SGCZ: variants seen among roughly 807,000 people sequenced by gnomAD.
SGCZ encodes zeta-sarcoglycan.
A neutral mutation model predicts 41.3 loss-of-function variants in SGCZ; 40 were observed. The observed-to-expected ratio is 0.97, with a 90% CI of 0.75 to 1.26. The LOEUF (loss-of-function observed/expected upper bound fraction) is 1.26. Among genes scored for constraint, SGCZ ranks in the 50% most tolerant of loss-of-function variants. The pLI, the probability that SGCZ is intolerant of heterozygous loss-of-function variation, is 0.00. For synonymous variants in SGCZ, 206 were observed against 137.5 expected, an observed-to-expected ratio of 1.50 and a Z score of -3.49; for missense variants, 552 against 369.8, an observed-to-expected ratio of 1.49 and a Z score of -4.04.
At chr8:14,770,238 C>T (rs1011661663) in intron 1 of SGCZ, among the ~76,000 whole-genome samples, 4 of 151,312 alleles carry the variant, frequency 2.6e-5, no homozygotes, top group Admixed American at 6.6e-5. Flanking sequence ...CTAGATTTGA[C>T]GAGTTCTAGC....
chr8:14,153,024 G>A (rs1803757713), intron 5 of SGCZ, among the ~76,000 whole-genome samples: 1 of 152,276 alleles, frequency 6.6e-6, no homozygotes, highest in Admixed American at 6.5e-5. Flanking sequence ...GTTAACGTGA[G>A]GGTGGAGGAA....
At chr8:14,278,518 G>A (rs1473411725) in intron 3 of SGCZ, among the ~76,000 whole-genome samples, 1 of 152,018 alleles carries the variant, frequency 6.6e-6, no homozygotes, top group East Asian at 1.9e-4. Context: ...GGATTATCCT[G>A]CCCAACTACT....
chr8:14,982,653 G>C (rs766122655), intron 1 of SGCZ, among the ~76,000 whole-genome samples: 11 of 152,152 alleles, frequency 7.2e-5, no homozygotes, highest in Admixed American at 5.2e-4. Context: ...ATCGATCTAG[G>C]TAAAGCGTTA....
chr8:14,302,789 A>G (rs1048552675), intron 3 of SGCZ, among the ~76,000 whole-genome samples: 4 of 152,216 alleles, frequency 2.6e-5, no homozygotes, highest in African/African-American at 9.6e-5. Context: ...TCTCATATTT[A>G]TTCTGGACAA....
At chr8:14,521,389 T>C (rs2117101171) in intron 2 of SGCZ, among the ~76,000 whole-genome samples, 1 of 152,274 alleles carries the variant, frequency 6.6e-6, no homozygotes, top group African/African-American at 2.4e-5. Context: ...TTGATAGTAA[T>C]CTGTACAACA....
chr8:14,122,641 T>C (rs1301175458), intron 5 of SGCZ, among the ~76,000 whole-genome samples: 1 of 152,218 alleles, frequency 6.6e-6, no homozygotes, highest in African/African-American at 2.4e-5. Flanking sequence ...ATCCATAAGA[T>C]ATGCATAAAT....
intron 1 of SGCZ, among the ~76,000 whole-genome samples, chr8:15,222,194 A>G (rs1462638860): frequency 2.0e-5 from 3 of 152,184 alleles, no homozygotes; most frequent in Non-Finnish European, 4.4e-5. Context: ...GCTAAATAAA[A>G]AGTATTTGCC....
chr8:15,125,315 T>A (rs73525087), intron 1 of SGCZ, among the ~76,000 whole-genome samples: 1,977 of 152,276 alleles, frequency 0.013, 35 homozygotes, highest in African/African-American at 0.044. Flanking sequence ...CATCTACCCT[T>A]ATGTATGTGG....
intron 2 of SGCZ, among the ~76,000 whole-genome samples, chr8:14,431,410 G>C (rs538351628): frequency 3.3e-5 from 5 of 152,236 alleles, no homozygotes; most frequent in African/African-American, 1.2e-4. Context: ...AGTGATCTTT[G>C]ACAAAGCAAA....
At chr8:14,285,917 T>G (rs956869075) in intron 3 of SGCZ, among the ~76,000 whole-genome samples, 1 of 152,130 alleles carries the variant, frequency 6.6e-6, no homozygotes, top group Non-Finnish European at 1.5e-5. Flanking sequence ...ATCCTATGAT[T>G]AGAATACAAC....
chr8:14,301,060 A>AATCATCATTATC (rs150748696), intron 3 of SGCZ, among the ~76,000 whole-genome samples: 4 of 147,902 alleles, frequency 2.7e-5, no homozygotes, highest in African/African-American at 1.0e-4. Flanking sequence ...AACACAAGAA[A>AATCATCATTATC]ATCATCATCA....
At chr8:14,495,925 A>G (rs1302178361) in intron 2 of SGCZ, among the ~76,000 whole-genome samples, 1 of 152,126 alleles carries the variant, frequency 6.6e-6, no homozygotes, top group East Asian at 1.9e-4. Context: ...TGTTGGATCT[A>G]GGGACTTGAG....
At chr8:14,268,951 T>A (rs1799967172) in intron 3 of SGCZ, among the ~76,000 whole-genome samples, 1 of 151,734 alleles carries the variant, frequency 6.6e-6, no homozygotes, top group Non-Finnish European at 1.5e-5. Flanking sequence ...GTATATATCT[T>A]AAGTGCCATT....
chr8:14,136,054 T>C (rs6530725), intron 5 of SGCZ, among the ~76,000 whole-genome samples: 3,253 of 152,198 alleles, frequency 0.021, 142 homozygotes, highest in African/African-American at 0.075. Flanking sequence ...ATATTGCACA[T>C]ATAATTACAC....
chr8:14,309,732 G>A (rs995009482), intron 3 of SGCZ: 2 of 1,602,914 alleles, frequency 1.2e-6, no homozygotes, highest in African/African-American at 2.7e-5. Flanking sequence ...AGATTTGGGA[G>A]CTGAACCAAA....
At chr8:14,094,329 C>T (rs1324955429) in intron 7 of SGCZ, among the ~76,000 whole-genome samples, 1 of 151,896 alleles carries the variant, frequency 6.6e-6, no homozygotes, top group Non-Finnish European at 1.5e-5. Context: ...TGTGATATTC[C>T]CCTCCCTGTG....
intron 1 of SGCZ, among the ~76,000 whole-genome samples, chr8:15,068,149 GA>G (rs1373225497): frequency 6.6e-6 from 1 of 152,112 alleles, no homozygotes; most frequent in Non-Finnish European, 1.5e-5. Context: ...AGGAAAGTTG[GA>G]TTTTATTCTA....
intron 1 of SGCZ, among the ~76,000 whole-genome samples, chr8:15,103,907 T>C (rs944917447): frequency 6.6e-6 from 1 of 152,170 alleles, no homozygotes; most frequent in Admixed American, 6.5e-5. Context: ...AAAGTCACAC[T>C]AATGAAGTGT....
At chr8:14,899,448 G>A (rs1798887816) in intron 1 of SGCZ, among the ~76,000 whole-genome samples, 1 of 152,130 alleles carries the variant, frequency 6.6e-6, no homozygotes, top group Admixed American at 6.5e-5. Context: ...AAAAATAGAA[G>A]CACAGAATGT....
Sources: allele counts gnomAD v4.1 joint callset (sites outside exome capture counted in the v4.1 genomes callset), GRCh38; gene constraint gnomAD v4.1.1; transcripts MANE v1.5; gene names NCBI Gene and HGNC (gene_info 2026-07-23, HGNC 2026-07-21).